Variants in BNIP5 observed in about 807,000 individuals in gnomAD.
BNIP5 encodes the protein BCL2 interacting protein 5, also known as protein BNIP5.
A neutral mutation model predicts 67.3 loss-of-function variants in BNIP5; 61 were observed. That is an observed-to-expected ratio of 0.91 (90% confidence interval 0.74 to 1.12). BNIP5 has a LOEUF of 1.12. Among genes scored for constraint, BNIP5 ranks in the 50% most tolerant of loss-of-function variants. The pLI, the probability that BNIP5 is intolerant of heterozygous loss-of-function variation, is 0.00. For missense variants in BNIP5, 826 were observed against 816.3 expected (o/e 1.01, Z -0.14); for synonymous variants, 317 against 319.0 (o/e 0.99, Z 0.07).
At chr6:36,322,971 A>G (rs1771669249) in intron 8 of BNIP5, among the ~76,000 whole-genome samples, 2 of 152,174 alleles carry the variant, frequency 1.3e-5, no homozygotes, top group Admixed American at 1.3e-4. Context: ...GTGCTTTTCT[A>G]TGAACTGGCC....
At position 36,324,636 on chromosome 6, in the gene BNIP5, T is replaced by C. The variant is rs866502963; in HGVS notation, c.1169-446A>G. On this transcript the variant is annotated intron_variant, in intron 6 of 11. Coordinates refer to ENST00000437635, the MANE Select transcript of BNIP5 (RefSeq NM_001010903.5). ...ATATATATATATATATATATATATA[T>C]ATATATATATATGTTTCTAGGCCTG... is the stretch of plus-strand genomic sequence containing the variant. Among the ~76,000 whole-genome samples the C allele has an allele frequency of 3.8e-3, 219 of 58,360 alleles. 16 individuals carry two copies. Among genetic ancestry groups the C allele is most frequent in the African/African-American group, 0.016 (198 of 12,728 alleles). The allele number at this position is 58,360 out of a possible 152,430, so 38.3% of individuals were successfully genotyped here.
chr6:36,324,551 G>C (rs1771711629), intron 6 of BNIP5, among the ~76,000 whole-genome samples: 1 of 105,230 alleles, frequency 9.5e-6, no homozygotes, highest in African/African-American at 4.0e-5. Flanking sequence ...ATCTTTCCAG[G>C]TCTTTTCAGA....
At chr6:36,335,049 T>C (rs1167291731) in intron 1 of BNIP5, among the ~76,000 whole-genome samples, 6 of 152,268 alleles carry the variant, frequency 3.9e-5, no homozygotes, top group Middle Eastern at 3.4e-3. Flanking sequence ...CAAGACTGCT[T>C]CTGATAAGAT....
chr6:36,330,695 C>G lies in BNIP5; in HGVS notation c.-4-1G>C. 1.3e-6 allele frequency: 2 copies of G among 1,548,076 alleles called. No homozygotes were observed. The highest frequency in any genetic ancestry group is 1.7e-6 in the Non-Finnish European group (2 of 1,156,580). On this transcript the variant is annotated splice_acceptor_variant, in intron 1 of 11. Coordinates refer to ENST00000437635, the MANE Select transcript of BNIP5 (RefSeq NM_001010903.5). LOFTEE classifies it low-confidence loss of function (5UTR_SPLICE). ...TGGGCACCTTGGATTCTCCATCGGG[C>G]TGCAACCAAAACACACAGCTCCCTT...
At position 36,319,616 on chromosome 6, in the gene BNIP5, A is replaced by G. The variant is rs1460410446; in HGVS notation, c.1669-6T>C. On this transcript the variant is annotated splice_polypyrimidine_tract_variant and splice_region_variant and intron_variant, in intron 10 of 11. Coordinates refer to ENST00000437635, the MANE Select transcript of BNIP5 (RefSeq NM_001010903.5). ...AAGCTGGGGTGGCGCCTGATCTGGA[A>G]GTGGAAATGAAAACAGGTCATTAGT... 4 of 1,608,210 alleles carry G rather than the reference A, an allele frequency of 2.5e-6. No homozygotes were observed. The highest frequency in any genetic ancestry group is 3.3e-5 in the Admixed American group (2 of 59,754).
chr6:36,319,251 T>G, intron 11 of BNIP5, 105 bp downstream of exon 11: 1 of 1,398,960 alleles, frequency 7.1e-7, no homozygotes, highest in Non-Finnish European at 9.8e-7. Flanking sequence ...AATTCTGAAC[T>G]GAGCAGGGGA....
chr6:36,323,671 T>A, intron 7 of BNIP5, 138 bp from the exon 8 acceptor site: 1 of 980,866 alleles, frequency 1.0e-6, no homozygotes, highest in South Asian at 1.5e-5. Flanking sequence ...TGGGGAAATA[T>A]GTGTGGTCTG....
rs956067004 is a variant in BNIP5 at position 36,321,345 on chromosome 6, C to T, written c.1604-126G>A. On this transcript the variant is annotated intron_variant, in intron 9 of 11. Transcript: ENST00000437635. ...AATATTTTCTCTCTAAAACTCAGCA[C>T]ACACGTTAGTTATGATGGACCCAGA... is the stretch of plus-strand genomic sequence containing the variant. 2.1e-5 allele frequency: 15 copies of T among 716,620 alleles called. No homozygotes were observed. In the South Asian group the frequency reaches 2.3e-4, roughly 11 times the overall value. The allele number at this position is 716,620 out of a possible 1,614,324, so 44.4% of individuals were successfully genotyped here.
chr6:36,329,183 G>C (rs1482788132), intron 2 of BNIP5, among the ~76,000 whole-genome samples: 3 of 152,202 alleles, frequency 2.0e-5, no homozygotes, highest in Non-Finnish European at 4.4e-5. Flanking sequence ...TAGAACCAAG[G>C]CCTGGAAGCA....
intron 1 of BNIP5, among the ~76,000 whole-genome samples, chr6:36,331,191 C>G (rs1771898037): frequency 6.6e-6 from 1 of 152,164 alleles, no homozygotes; most frequent in Admixed American, 6.5e-5. Flanking sequence ...TTGTCTTGTG[C>G]AAATTCCCCC....
rs919951669 is a variant in BNIP5 at position 36,315,980 on chromosome 6, T to C, written c.*1376A>G. ...ACACTGCCTAAAACAAATCCACAAATAGCTCACCTCTCCCCCACTTCTCAG... is the reference window on the plus strand; with the variant it reads ...ACACTGCCTAAAACAAATCCACAAACAGCTCACCTCTCCCCCACTTCTCAG... On this transcript the variant is annotated 3_prime_UTR_variant, in exon 12 of 12. Coordinates refer to ENST00000437635, the MANE Select transcript of BNIP5 (RefSeq NM_001010903.5). 5 of 153,096 alleles carry C rather than the reference T, an allele frequency of 3.3e-5. No individual in the cohort carries two copies. Among genetic ancestry groups the C allele is most frequent in the African/African-American group, 1.2e-4 (5 of 41,552 alleles). The allele number at this position is 153,096 out of a possible 1,614,324, so 9.5% of individuals were successfully genotyped here. A position where few individuals can be genotyped will look rare whatever the true frequency, so the allele number is the denominator to read the frequency against.
Position 36,316,857 on chromosome 6 carries a change from G to A in BNIP5, c.*499C>T. 1 of 401,340 alleles carries A rather than the reference G, an allele frequency of 2.5e-6. No homozygotes were observed. 24.9% of individuals were successfully genotyped at this position (401,340 alleles called of 1,614,324 possible). On this transcript the variant is annotated 3_prime_UTR_variant, in exon 12 of 12. Transcript: ENST00000437635. Reference sequence around the variant, plus strand: ...CTGGGAGGCATCTACAAATCCATATGAGCATGAAGAACTACTGGTCAACTG... The same window carrying A: ...CTGGGAGGCATCTACAAATCCATATAAGCATGAAGAACTACTGGTCAACTG...
At position 36,316,346 on chromosome 6, in the gene BNIP5, A is replaced by G; in HGVS notation, c.*1010T>C. 1 of 396,930 alleles carries G rather than the reference A, an allele frequency of 2.5e-6. No homozygotes were observed. Among genetic ancestry groups the G allele is most frequent in the East Asian group, 3.6e-5 (1 of 28,038 alleles). 24.6% of individuals were successfully genotyped at this position (396,930 alleles called of 1,614,324 possible). On this transcript the variant is annotated 3_prime_UTR_variant, in exon 12 of 12. Coordinates refer to ENST00000437635, the MANE Select transcript of BNIP5 (RefSeq NM_001010903.5). The stretch of plus-strand genomic sequence containing the variant: ...GCAAATTTCACACCTGAGTCAAGCT[A>G]TTGAAACTGTTGAGCTATACAGAAG...
chr6:36,330,663 G>A lies in BNIP5; in HGVS notation c.28C>T (p.Pro10Ser), dbSNP rs745999231. 1.9e-6 allele frequency: 3 copies of A among 1,591,358 alleles called. No homozygotes were observed. The highest frequency in any genetic ancestry group is 2.6e-6 in the Non-Finnish European group (3 of 1,174,188). ...GACCTGGCTTTCTTCTCCGCCAGGG[G>A]CCTCCTTGGGCACCTTGGATTCTCC... MENPRCPRR[P>S]LAEKKARSLD... is the part of the protein sequence containing the mutation. The change falls in exon 2 of 12, where the codon CCC (proline) becomes TCC (serine). Residue 10 changes from proline (P) to serine (S), a missense_variant. Coordinates refer to ENST00000437635, the MANE Select transcript of BNIP5 (RefSeq NM_001010903.5).
Position 36,324,229 on chromosome 6 carries a change from C to T in BNIP5, c.1169-39G>A, listed in dbSNP as rs902740627. On this transcript the variant is annotated intron_variant, in intron 6 of 11. Transcript: ENST00000437635. ...ACACGCATGGTTAACTTTGGTGCTA[C>T]GAAATCTCTTCTGCGGTCAGTCTTC... The T allele has an allele frequency of 7.0e-6, 11 of 1,568,564 alleles. No individual in the cohort carries two copies. The African/African-American group carries it at 1.1e-4, about 15-fold the overall frequency.
chr6:36,323,000 G>A (rs1299684255), intron 8 of BNIP5, among the ~76,000 whole-genome samples: 1 of 152,216 alleles, frequency 6.6e-6, no homozygotes, highest in Non-Finnish European at 1.5e-5. Context: ...CTGATGCACA[G>A]CGGCACGGAT....
intron 1 of BNIP5, among the ~76,000 whole-genome samples, chr6:36,331,795 G>A (rs951921747): frequency 1.3e-5 from 2 of 152,118 alleles, no homozygotes; most frequent in African/African-American, 4.8e-5. Flanking sequence ...CTCTCAAAGT[G>A]CTGGGATTAC....
chr6:36,333,409 C>T (rs1009009000), intron 1 of BNIP5, among the ~76,000 whole-genome samples: 1 of 152,226 alleles, frequency 6.6e-6, no homozygotes, highest in Non-Finnish European at 1.5e-5. Flanking sequence ...TGGAAATTCA[C>T]TAATGTTCCT....
At chr6:36,322,036 G>A (rs1299584922) in intron 9 of BNIP5, among the ~76,000 whole-genome samples, 1 of 152,238 alleles carries the variant, frequency 6.6e-6, no homozygotes, top group Non-Finnish European at 1.5e-5. Context: ...CCCGGAGCAA[G>A]CTAGGAATTT....
Sources: allele counts gnomAD v4.1 joint callset (sites outside exome capture counted in the v4.1 genomes callset), GRCh38; gene constraint gnomAD v4.1.1; transcripts MANE v1.5; gene names NCBI Gene and HGNC (gene_info 2026-07-23, HGNC 2026-07-21).